Variants in RYR2 observed in about 807,000 individuals in gnomAD.
RYR2 encodes ryanodine receptor 2.
Under a neutral mutation model 601.1 loss-of-function variants are expected in RYR2, and 227 were observed. The ratio of observed to expected loss-of-function variants is 0.38; its 90% CI spans 0.34 to 0.42. RYR2 has a LOEUF of 0.42. RYR2 is among the 10% of genes least tolerant of loss of function. The pLI is 1.00. For missense variants in RYR2, 4,646 were observed against 6,156.5 expected (o/e 0.75, Z 8.21); for synonymous variants, 2,223 against 2,175.1 (o/e 1.02, Z -0.61).
intron 79 of RYR2, among the ~76,000 whole-genome samples, chr1:237,735,190 C>T (rs1348510876): frequency 6.6e-6 from 1 of 152,120 alleles, no homozygotes; most frequent in African/African-American, 2.4e-5. Flanking sequence ...AGAGTAAGAA[C>T]AGCTTCTGCG....
At chr1:237,085,523 C>G (rs969743915) in intron 1 of RYR2, among the ~76,000 whole-genome samples, 1 of 152,194 alleles carries the variant, frequency 6.6e-6, no homozygotes, top group Non-Finnish European at 1.5e-5. Flanking sequence ...GATCAGGAGG[C>G]TGAAGCCACA....
At chr1:237,281,969 A>G (rs1690925806) in intron 2 of RYR2, among the ~76,000 whole-genome samples, 1 of 148,568 alleles carries the variant, frequency 6.7e-6, no homozygotes, top group South Asian at 2.1e-4. Flanking sequence ...CCACCGTTAG[A>G]ACCCTGGTAA....
At chr1:237,793,344 T>C (rs1658687459) in intron 94 of RYR2, among the ~76,000 whole-genome samples, 1 of 151,800 alleles carries the variant, frequency 6.6e-6, no homozygotes, top group African/African-American at 2.4e-5. Context: ...TTCTAGAAAA[T>C]CATTATGTTC....
At position 237,648,518 on chromosome 1, in the gene RYR2, G is replaced by C. The variant is rs1398885135; in HGVS notation, c.7417G>C (p.Asp2473His). The C allele has an allele frequency of 3.7e-6, 6 of 1,611,334 alleles. No individual in the cohort carries two copies. The South Asian group carries it at 6.6e-5, about 18-fold the overall frequency. ...CAAGGCAGCCATGGTTTTATTCCTT[G>C]ACAGGGTCTATGGGATTGAGGTTCA... is the stretch of plus-strand genomic sequence containing the variant. ...DHKAAMVLFLDRVYGIEVQDF... is the reference protein window; with the variant it reads ...DHKAAMVLFLHRVYGIEVQDF... Residue 2473 changes from aspartate to histidine, a missense_variant, in exon 49 of 105, where the codon GAC (aspartate) becomes CAC (histidine). This residue lies in a region of RYR2 where 1,497 missense variants were observed against 1,842.6 expected (regional missense o/e 0.81). Transcript: ENST00000366574.
intron 10 of RYR2, among the ~76,000 whole-genome samples, chr1:237,394,403 C>T (rs1204414759): frequency 6.6e-6 from 1 of 152,168 alleles, no homozygotes; most frequent in Non-Finnish European, 1.5e-5. Flanking sequence ...TTGAATAGAG[C>T]TATTGTGGCA....
At chr1:237,718,998 T>C (rs1689487728) in intron 73 of RYR2, among the ~76,000 whole-genome samples, 2 of 152,158 alleles carry the variant, frequency 1.3e-5, no homozygotes, top group South Asian at 4.1e-4. Flanking sequence ...GCACAGTGGC[T>C]CACACCTTTA....
At chr1:237,743,765 CATT>C (rs1691820227) in intron 80 of RYR2, 1 of 392,748 alleles carries the variant, frequency 2.5e-6, no homozygotes, top group African/African-American at 2.1e-5. Flanking sequence ...AGCTCCAATG[CATT>C]TGGTCTCTTC....
At chr1:237,796,907 C>A (rs554936877) in intron 96 of RYR2, among the ~76,000 whole-genome samples, 12 of 152,076 alleles carry the variant, frequency 7.9e-5, no homozygotes, top group Non-Finnish European at 1.6e-4. Flanking sequence ...ACCTCAGTCT[C>A]CCAAGTAGCT....
intron 1 of RYR2, among the ~76,000 whole-genome samples, chr1:237,259,055 G>A (rs766050388): frequency 1.3e-5 from 2 of 151,958 alleles, no homozygotes; most frequent in Non-Finnish European, 2.9e-5. Flanking sequence ...GGGTGTTTCT[G>A]TCCAGCTCCC....
intron 27 of RYR2, among the ~76,000 whole-genome samples, chr1:237,552,916 A>G (rs912152420): frequency 5.3e-5 from 8 of 152,004 alleles, no homozygotes; most frequent in African/African-American, 1.9e-4. Flanking sequence ...ATTTAGGAGT[A>G]TAATTACCGA....
At chr1:237,516,472 T>G (rs1666559518) in intron 24 of RYR2, among the ~76,000 whole-genome samples, 1 of 152,134 alleles carries the variant, frequency 6.6e-6, no homozygotes. Context: ...CTGGGCCATT[T>G]CTTCTCAGTG....
At chr1:237,522,918 T>A (rs2779357) in intron 24 of RYR2, among the ~76,000 whole-genome samples, 71,858 of 151,920 alleles carry the variant, frequency 0.47, 17,327 homozygotes, top group East Asian at 0.58. Flanking sequence ...TATTTTGTGC[T>A]TTTCTAGCCT....
chr1:237,505,128 C>T (rs575051403), intron 22 of RYR2, among the ~76,000 whole-genome samples: 2 of 152,302 alleles, frequency 1.3e-5, no homozygotes, highest in African/African-American at 4.8e-5. Flanking sequence ...AAGTACTCTT[C>T]CCTTAGGGGA....
rs559925354 is a variant in RYR2 at position 237,060,356 on chromosome 1, T to G, written c.48+17787T>G. ...ACTAATTTATTAGCCTTTCATAGAC[T>G]GTTTTTTTCCCCTGCTAAATCTTTC... On this transcript the variant is annotated intron_variant, in intron 1 of 104. Transcript: ENST00000366574. Among the ~76,000 whole-genome samples the G allele has an allele frequency of 3.3e-5, 5 of 152,324 alleles. No individual in the cohort carries two copies. In the East Asian group the frequency reaches 9.6e-4, roughly 29 times the overall value.
At chr1:237,199,453 T>C (rs1401974875) in intron 1 of RYR2, among the ~76,000 whole-genome samples, 1 of 152,170 alleles carries the variant, frequency 6.6e-6, no homozygotes, top group East Asian at 1.9e-4. Context: ...GCAGGAAGCA[T>C]CCAGCACGGG....
chr1:237,773,380 A>T (rs1694420613), intron 86 of RYR2, 140 bp from the exon 87 acceptor site: 1 of 560,064 alleles, frequency 1.8e-6, no homozygotes, highest in African/African-American at 1.9e-5. Context: ...TTGAAGAATG[A>T]TATTTACTTC....
rs760782284 is a variant in RYR2 at position 237,569,235 on chromosome 1, A to T, written c.3514A>T (p.Thr1172Ser). ...VGCMVDMNEH[T>S]MMFTLNGEIL... ...GTGTATGGTTGACATGAACGAACAC[A>T]CCATGATGTTCACACTGAATGGTGA... Residue 1172 changes from threonine to serine, a missense_variant, in exon 29 of 105, where the codon ACC becomes TCC. Around this residue, in one of 17 missense-constraint regions of RYR2, gnomAD observed 1,807 missense variants for 2,088.1 expected, o/e 0.87. Transcript: ENST00000366574. 3 of 1,613,956 alleles carry T rather than the reference A, an allele frequency of 1.9e-6. No individual in the cohort carries two copies. The highest frequency in any genetic ancestry group is 1.7e-5 in the Admixed American group (1 of 60,018).
rs1012771506 is a variant in RYR2, at chr1:237,819,292, T to C, written c.14590+100T>C. On this transcript the variant is annotated intron_variant, in intron 101 of 104. Coordinates refer to ENST00000366574, the MANE Select transcript of RYR2 (RefSeq NM_001035.3). The surrounding 1 kb of genome is among the most constrained non-coding windows in gnomAD (Gnocchi z 4.0). ...TAGGGTAATGACGTCAAGTGTTTCC[T>C]GGCAAAGCCAAATCAAACTTTTCCT... The C allele has an allele frequency of 7.0e-6, 8 of 1,144,396 alleles. No individual in the cohort carries two copies. Among genetic ancestry groups the C allele is most frequent in the Non-Finnish European group, 1.0e-5 (8 of 793,386 alleles). 70.9% of individuals were successfully genotyped at this position (1,144,396 alleles called of 1,614,324 possible). A position where few individuals can be genotyped will look rare whatever the true frequency, so the allele number is the denominator to read the frequency against.
intron 19 of RYR2, among the ~76,000 whole-genome samples, chr1:237,495,002 C>T (rs142945697): frequency 3.9e-5 from 6 of 151,944 alleles, no homozygotes; most frequent in Non-Finnish European, 7.4e-5. Flanking sequence ...TGTTGGCCAG[C>T]CTGGTCTCGA....
Sources: allele counts gnomAD v4.1 joint callset (sites outside exome capture counted in the v4.1 genomes callset), GRCh38; gene constraint gnomAD v4.1.1; regional missense constraint gnomAD v4.1.1; non-coding constraint Gnocchi (gnomAD v3.1); transcripts MANE v1.5; gene names NCBI Gene and HGNC (gene_info 2026-07-23, HGNC 2026-07-21).